Variants in TBC1D1 observed in about 807,000 individuals in gnomAD.
TBC1D1 encodes TBC1 domain family member 1, also known as TBC1 (tre-2/USP6, BUB2, cdc16) domain family, member 1.
Under a neutral mutation model 125.6 loss-of-function variants are expected in TBC1D1, and 89 were observed. That is an observed-to-expected ratio of 0.71 (90% CI 0.60 to 0.85). The LOEUF (loss-of-function observed/expected upper bound fraction) is 0.85. Ranked by LOEUF, TBC1D1 falls within the 40% of genes least tolerant of loss-of-function variation. The pLI is 0.00. For missense variants in TBC1D1, 1,377 were observed against 1,469.2 expected (o/e 0.94, Z 1.03); for synonymous variants, 565 against 564.1 (o/e 1.00, Z -0.02).
At chr4:37,964,380 G>A (rs1355444585) in intron 2 of TBC1D1, among the ~76,000 whole-genome samples, 1 of 152,174 alleles carries the variant, frequency 6.6e-6, no homozygotes, top group Non-Finnish European at 1.5e-5. Flanking sequence ...TAAACCTCGT[G>A]CTAGATCCAC....
chr4:38,130,992 T>C (rs75794952), intron 18 of TBC1D1, among the ~76,000 whole-genome samples: 17,798 of 152,192 alleles, frequency 0.12, 1,313 homozygotes, highest in Non-Finnish European at 0.16. Context: ...AAGCCCTCGT[T>C]CAGTGACCAG....
chr4:38,100,575 G>A (rs1345905715), intron 14 of TBC1D1, among the ~76,000 whole-genome samples: 2 of 152,220 alleles, frequency 1.3e-5, no homozygotes, highest in Non-Finnish European at 1.5e-5. Context: ...GGATTAGGAA[G>A]TGAACACATC....
At position 38,135,900 on chromosome 4, in the gene TBC1D1, GTGTA is replaced by G. The variant is rs1179890351; in HGVS notation, c.3307-1233_3307-1230del. ...TGTGTGTGTGTGTATATATGTGTGT[GTGTA>G]TATATACGTGTGTGTGTATATGTGT... On this transcript the variant is annotated intron_variant, in intron 19 of 19. Coordinates refer to ENST00000261439, the MANE Select transcript of TBC1D1 (RefSeq NM_015173.4). 4.9e-3 allele frequency among the ~76,000 whole-genome samples: 729 copies of G among 149,044 alleles called. 1 individual carries two copies. The highest frequency in any genetic ancestry group is 0.016 in the South Asian group (73 of 4,700).
At chr4:38,022,258 TAATA>T (rs1465213308) in intron 6 of TBC1D1, among the ~76,000 whole-genome samples, 1 of 152,174 alleles carries the variant, frequency 6.6e-6, no homozygotes, top group Non-Finnish European at 1.5e-5. Flanking sequence ...GGAGAAACTG[TAATA>T]AATGTTATGA....
At chr4:37,991,552 A>G (rs901682880) in intron 2 of TBC1D1, among the ~76,000 whole-genome samples, 1 of 152,032 alleles carries the variant, frequency 6.6e-6, no homozygotes, top group African/African-American at 2.4e-5. Context: ...GAACACGAGC[A>G]TGCAGACCTG....
At chr4:37,931,866 T>C (rs558631894) in intron 2 of TBC1D1, among the ~76,000 whole-genome samples, 1 of 152,324 alleles carries the variant, frequency 6.6e-6, no homozygotes, top group African/African-American at 2.4e-5. Context: ...TTTTACTCTT[T>C]CTTGTACCTC....
intron 2 of TBC1D1, among the ~76,000 whole-genome samples, chr4:37,906,545 T>C (rs140907365): frequency 0.011 from 1,682 of 152,304 alleles, 38 homozygotes; most frequent in African/African-American, 0.039. Context: ...ATTTCACCAT[T>C]CTTCCACCCA....
At chr4:38,098,686 G>T (rs1759791328) in intron 14 of TBC1D1, among the ~76,000 whole-genome samples, 1 of 152,182 alleles carries the variant, frequency 6.6e-6, no homozygotes. Context: ...AACAAATGAG[G>T]GCGGTCTATT....
intron 13 of TBC1D1, among the ~76,000 whole-genome samples, chr4:38,092,762 A>G (rs982991451): frequency 6.6e-6 from 1 of 151,708 alleles, no homozygotes; most frequent in Non-Finnish European, 1.5e-5. Flanking sequence ...GAAAGAAGTA[A>G]TTATTTTTCC....
intron 11 of TBC1D1, 107 bp from the exon 13 acceptor site, chr4:38,052,999 T>G (rs1214450159): frequency 8.7e-6 from 7 of 809,212 alleles, no homozygotes; most frequent in Non-Finnish European, 1.2e-5. Flanking sequence ...TAGTTTTCTT[T>G]TCTTAGCATT....
At chr4:37,949,474 G>A (rs1727388351) in intron 2 of TBC1D1, among the ~76,000 whole-genome samples, 3 of 152,234 alleles carry the variant, frequency 2.0e-5, no homozygotes, top group South Asian at 4.2e-4. Flanking sequence ...CACGTACTGC[G>A]GTGCCTGCCT....
At chr4:38,027,738 C>T (rs754041241) in intron 6 of TBC1D1, 50 bp from the exon 7 acceptor site, 1 of 1,334,762 alleles carries the variant, frequency 7.5e-7, no homozygotes, top group African/African-American at 1.5e-5. Context: ...CTCCCTATCT[C>T]ACAACTTTTA....
chr4:37,913,981 C>CT (rs1320716568), intron 2 of TBC1D1, among the ~76,000 whole-genome samples: 5 of 152,128 alleles, frequency 3.3e-5, no homozygotes, highest in Admixed American at 2.0e-4. Flanking sequence ...GAAACACTCT[C>CT]TTTTGGCTCT....
At chr4:38,023,891 C>T (rs1223089816) in intron 6 of TBC1D1, among the ~76,000 whole-genome samples, 2 of 152,118 alleles carry the variant, frequency 1.3e-5, no homozygotes, top group Admixed American at 6.6e-5. Context: ...GAGGAACTGC[C>T]GTATGGTACC....
chr4:38,133,159 G>T lies in TBC1D1; in HGVS notation c.3208G>T (p.Asp1070Tyr), dbSNP rs770144771. The T allele has an allele frequency of 1.2e-5, 19 of 1,614,014 alleles. No homozygotes were observed. The East Asian group carries it at 3.6e-4, about 30-fold the overall frequency. ...CCACGTCCTTCAAGAAGAACTTATC[G>T]ATTCCTCTCCTCTCAGTGACAACCA... Residue 1070 changes from aspartate to tyrosine, a missense_variant, in exon 19 of 20, where the codon GAT becomes TAT. Asp to Tyr is a radical substitution (Grantham distance 160). This residue lies in a region of TBC1D1 where 543 missense variants were observed against 613.5 expected (regional missense o/e 0.89). Coordinates refer to ENST00000261439, the MANE Select transcript of TBC1D1 (RefSeq NM_015173.4).
intron 15 of TBC1D1, chr4:38,110,382 A>G: frequency 2.0e-6 from 2 of 985,380 alleles, no homozygotes; most frequent in Non-Finnish European, 2.4e-6. Flanking sequence ...TGATCCTAAT[A>G]GGATTCCTGC....
chr4:38,065,384 C>T (rs1002319904), intron 12 of TBC1D1, among the ~76,000 whole-genome samples: 6 of 152,106 alleles, frequency 3.9e-5, no homozygotes, highest in Non-Finnish European at 8.8e-5. Flanking sequence ...GTGGAGCCCT[C>T]AAGCCGCAGC....
rs1716180299 is a variant in TBC1D1 at position 37,902,134 on chromosome 4, T to C, written c.39T>C (p.Leu13=). 2 of 1,610,628 alleles carry C rather than the reference T, an allele frequency of 1.2e-6. No homozygotes were observed. Among genetic ancestry groups the C allele is most frequent in the African/African-American group, 2.7e-5 (2 of 74,530 alleles). The change falls in exon 2 of 20, where the codon CTT becomes CTC. Residue 13 remains leucine (L), a synonymous_variant. Coordinates refer to ENST00000261439, the MANE Select transcript of TBC1D1 (RefSeq NM_015173.4). ...CATTCACAGCAAGGAAACATCTGCTTTCTAACGAGGTCTCGGTGGATTTTG... is the reference window on the plus strand; with the variant it reads ...CATTCACAGCAAGGAAACATCTGCTCTCTAACGAGGTCTCGGTGGATTTTG...
At chr4:37,916,076 TG>T (rs1207101789) in intron 2 of TBC1D1, among the ~76,000 whole-genome samples, 4 of 152,224 alleles carry the variant, frequency 2.6e-5, no homozygotes, top group Non-Finnish European at 5.9e-5. Context: ...CTTTTTATTC[TG>T]AAATGCTTTT....
Sources: allele counts gnomAD v4.1 joint callset (sites outside exome capture counted in the v4.1 genomes callset), GRCh38; gene constraint gnomAD v4.1.1; regional missense constraint gnomAD v4.1.1; transcripts MANE v1.5; gene names NCBI Gene and HGNC (gene_info 2026-07-23, HGNC 2026-07-21).